ARHGAP21: variants seen among roughly 807,000 people sequenced by gnomAD.
ARHGAP21 encodes the protein rho GTPase-activating protein 21.
A neutral mutation model predicts 164.6 loss-of-function variants in ARHGAP21; 38 were observed. The observed-to-expected ratio is 0.23, with a 90% CI of 0.18 to 0.30. The LOEUF (loss-of-function observed/expected upper bound fraction) is 0.30. Ranked by LOEUF, ARHGAP21 falls within the 10% of genes least tolerant of loss-of-function variation. The pLI is 1.00. For synonymous variants in ARHGAP21, 766 were observed against 857.9 expected, an observed-to-expected ratio of 0.89 and a Z score of 1.87; for missense variants, 1,822 against 2,370.7, an observed-to-expected ratio of 0.77 and a Z score of 4.81.
chr10:24,595,320 C>T, intron 19 of ARHGAP21, 130 bp from the exon 20 acceptor site: 1 of 858,308 alleles, frequency 1.2e-6, no homozygotes, highest in Non-Finnish European at 1.8e-6. Flanking sequence ...ATGTAAATTT[C>T]TAAAATGTAA....
At chr10:24,633,883 CTTTTTTT>C (rs3073324) in intron 5 of ARHGAP21, among the ~76,000 whole-genome samples, 2,831 of 75,308 alleles carry the variant, frequency 0.038, 31 homozygotes, top group African/African-American at 0.11. Context: ...CTTTTTTTCT[CTTTTTTT>C]TTTTTTTTTT....
intron 2 of ARHGAP21, among the ~76,000 whole-genome samples, chr10:24,719,577 C>T (rs565717070): frequency 5.9e-5 from 9 of 152,312 alleles, no homozygotes; most frequent in African/African-American, 2.2e-4. Context: ...CACACATGCT[C>T]ATCTCTTTGT....
At chr10:24,590,110 A>G (rs1406760838) in intron 24 of ARHGAP21, 1 of 1,138,116 alleles carries the variant, frequency 8.8e-7, no homozygotes, top group Non-Finnish European at 1.1e-6. Flanking sequence ...AACATTAGGG[A>G]AATTGGTTTT....
At chr10:24,716,748 TG>T (rs1209597319) in intron 2 of ARHGAP21, among the ~76,000 whole-genome samples, 5 of 152,046 alleles carry the variant, frequency 3.3e-5, no homozygotes, top group African/African-American at 1.2e-4. Flanking sequence ...AGGACTGAAG[TG>T]GAGAAATCAG....
Position 24,635,120 on chromosome 10 carries a change from C to A in ARHGAP21, c.269-17G>T. 1 of 1,529,842 alleles carries A rather than the reference C, an allele frequency of 6.5e-7. No homozygotes were observed. Among genetic ancestry groups the A allele is most frequent in the Non-Finnish European group, 8.9e-7 (1 of 1,126,634 alleles). The allele number at this position is 1,529,842 out of a possible 1,614,324, so 94.8% of individuals were successfully genotyped here. On this transcript the variant is annotated splice_polypyrimidine_tract_variant and intron_variant, in intron 4 of 25. Transcript: ENST00000396432. The stretch of plus-strand genomic sequence containing the variant: ...TTTGTTTTCCTGTTACAGAGAAGCC[C>A]AAAGCATGATTTTACTTCACAATAC...
intron 2 of ARHGAP21, among the ~76,000 whole-genome samples, chr10:24,711,207 T>C (rs1440482852): frequency 6.6e-6 from 1 of 151,674 alleles, no homozygotes; most frequent in Non-Finnish European, 1.5e-5. Flanking sequence ...GTTGGAGCAC[T>C]TGGGCTTCTA....
chr10:24,697,075 C>T (rs1271785354), intron 2 of ARHGAP21, among the ~76,000 whole-genome samples: 1 of 152,084 alleles, frequency 6.6e-6, no homozygotes, highest in African/African-American at 2.4e-5. Context: ...ATCCAGAGGC[C>T]CGACCCAGAA....
chr10:24,716,161 CAAT>C (rs1222109926), intron 2 of ARHGAP21, among the ~76,000 whole-genome samples: 1 of 152,170 alleles, frequency 6.6e-6, no homozygotes, highest in African/African-American at 2.4e-5. Flanking sequence ...ACAAGAAACA[CAAT>C]GTGAACAAAA....
chr10:24,652,486 G>C (rs914341496), intron 4 of ARHGAP21, among the ~76,000 whole-genome samples: 4 of 152,022 alleles, frequency 2.6e-5, no homozygotes, highest in African/African-American at 9.7e-5. Flanking sequence ...ATCATTCAGA[G>C]GACATTAAAA....
At chr10:24,642,286 C>T (rs1485599174) in intron 4 of ARHGAP21, among the ~76,000 whole-genome samples, 1 of 151,852 alleles carries the variant, frequency 6.6e-6, no homozygotes, top group African/African-American at 2.4e-5. Flanking sequence ...GAGGCCGAGG[C>T]GGGCGGATCA....
Position 24,667,017 on chromosome 10 carries a change from T to C in ARHGAP21, c.244-8A>G. 1.5e-6 allele frequency: 2 copies of C among 1,319,018 alleles called. No individual in the cohort carries two copies. Among genetic ancestry groups the C allele is most frequent in the Non-Finnish European group, 2.1e-6 (2 of 944,514 alleles). 81.7% of individuals were successfully genotyped at this position (1,319,018 alleles called of 1,614,324 possible). On this transcript the variant is annotated splice_polypyrimidine_tract_variant and splice_region_variant and intron_variant, in intron 3 of 25. Transcript: ENST00000396432. Reference sequence around the variant, plus strand: ...GTTTCCATTTTCTTCATCCTACAAATGAAAATATATATATACATATATGAG... The same window carrying C: ...GTTTCCATTTTCTTCATCCTACAAACGAAAATATATATATACATATATGAG...
At chr10:24,624,260 C>A in intron 7 of ARHGAP21, among the ~76,000 whole-genome samples, 1 of 151,332 alleles carries the variant, frequency 6.6e-6, no homozygotes, top group East Asian at 1.9e-4. Context: ...TACAAACTTA[C>A]TCGCCAGGGA....
chr10:24,721,211 G>A (rs1041123546), intron 2 of ARHGAP21, among the ~76,000 whole-genome samples: 5 of 152,170 alleles, frequency 3.3e-5, no homozygotes, highest in Admixed American at 6.5e-5. Context: ...TAGTGAAAGG[G>A]AGGGTATAAA....
intron 4 of ARHGAP21, among the ~76,000 whole-genome samples, chr10:24,660,422 G>T (rs1593205263): frequency 1.5e-5 from 2 of 135,934 alleles, no homozygotes; most frequent in Non-Finnish European, 3.1e-5. Flanking sequence ...ATGCTGAAGG[G>T]TTCAGTGAAT....
At chr10:24,693,508 G>A (rs946463211) in intron 2 of ARHGAP21, among the ~76,000 whole-genome samples, 6 of 151,900 alleles carry the variant, frequency 3.9e-5, no homozygotes, top group African/African-American at 9.7e-5. Context: ...TCGCCACCAC[G>A]CCCGGCTAAT....
chr10:24,593,870 TTC>T (rs1309414326), intron 21 of ARHGAP21, among the ~76,000 whole-genome samples: 3 of 152,082 alleles, frequency 2.0e-5, no homozygotes, highest in South Asian at 2.1e-4. Context: ...TTCACTTCCT[TTC>T]TCTCTTTTTT....
At chr10:24,635,222 T>C (rs915050984) in intron 4 of ARHGAP21, 119 bp from the exon 5 acceptor site, 12 of 574,170 alleles carry the variant, frequency 2.1e-5, no homozygotes, top group East Asian at 3.1e-5. Flanking sequence ...TAAATACATA[T>C]CCTGAATTTG....
chr10:24,608,414 A>G (rs1487857117), intron 9 of ARHGAP21, among the ~76,000 whole-genome samples: 1 of 152,184 alleles, frequency 6.6e-6, no homozygotes, highest in Non-Finnish European at 1.5e-5. Context: ...CTTCCAAAAT[A>G]AGTTTCCAGG....
In ARHGAP21 at chr10:24,620,152, C is replaced by T. The variant is rs139389090; in HGVS notation, c.1743G>A (p.Ser581=). The T allele has an allele frequency of 9.4e-5, 152 of 1,613,764 alleles. 2 individuals carry two copies. The African/African-American group carries it at 1.5e-3, about 16-fold the overall frequency. Residue 581 remains serine (S), a synonymous_variant, in exon 9 of 26, where the codon TCG becomes TCA. Transcript: ENST00000396432. ...RMSGRGVGSV[S]QFKKIPPDLK... ...GATCTGGTGGAATTTTTTTAAACTG[C>T]GACACAGATCCCACTCCTCTACCAC...
Sources: allele counts gnomAD v4.1 joint callset (sites outside exome capture counted in the v4.1 genomes callset), GRCh38; gene constraint gnomAD v4.1.1; transcripts MANE v1.5; gene names NCBI Gene and HGNC (gene_info 2026-07-23, HGNC 2026-07-21).